Variants in BCAP29 observed in about 807,000 individuals in gnomAD.
BCAP29 encodes the protein B cell receptor associated protein 29, also known as B-cell receptor-associated protein 29.
BCAP29 carries 34 observed loss-of-function variants against 31.8 expected under a neutral mutation model. That is an observed-to-expected ratio of 1.07 (90% CI 0.81 to 1.42). The LOEUF (loss-of-function observed/expected upper bound fraction) is 1.42. Among genes scored for constraint, BCAP29 ranks in the 40% most tolerant of loss-of-function variants. The pLI, the probability that BCAP29 is intolerant of heterozygous loss-of-function variation, is 0.00. For synonymous variants in BCAP29, 104 were observed against 91.3 expected (o/e 1.14, Z -0.79); for missense variants, 314 against 269.2 (o/e 1.17, Z -1.16).
At position 107,618,536 on chromosome 7, in the gene BCAP29, A is replaced by G. The variant is rs1478521069; in HGVS notation, c.*173A>G. The stretch of plus-strand genomic sequence containing the variant: ...CAAAATATTTGATGATGTTTCAGAT[A>G]TATTGCAAAGTCTGTATTCCAGCTC... On this transcript the variant is annotated 3_prime_UTR_variant, in exon 8 of 8. Transcript: ENST00000005259. 7 of 1,605,628 alleles carry G rather than the reference A, an allele frequency of 4.4e-6. No individual in the cohort carries two copies. The highest frequency in any genetic ancestry group is 6.0e-6 in the Non-Finnish European group (7 of 1,172,846).
chr7:107,611,797 A>G (rs1813171802), intron 6 of BCAP29, among the ~76,000 whole-genome samples: 2 of 152,244 alleles, frequency 1.3e-5, no homozygotes, highest in Non-Finnish European at 2.9e-5. Flanking sequence ...TAGAAGGAAC[A>G]TGGAGGAAAT....
chr7:107,610,956 C>T (rs989094299), intron 6 of BCAP29, among the ~76,000 whole-genome samples: 8 of 152,162 alleles, frequency 5.3e-5, no homozygotes, highest in African/African-American at 1.9e-4. Context: ...TTATAAACAA[C>T]AGAAATTTAT....
At chr7:107,610,842 G>A (rs376664435) in intron 6 of BCAP29, among the ~76,000 whole-genome samples, 65 of 152,270 alleles carry the variant, frequency 4.3e-4, no homozygotes, top group African/African-American at 1.5e-3. Flanking sequence ...ACTTCTTAAT[G>A]TCAGAAATTC....
downstream of BCAP29, chr7:107,622,813 T>C (rs1562805112): frequency 6.6e-6 from 1 of 152,218 alleles, no homozygotes; most frequent in Non-Finnish European, 1.5e-5. Flanking sequence ...AAGAATGATC[T>C]CTCACTCAGA....
chr7:107,581,651 T>A (rs1806689129), intron 2 of BCAP29, among the ~76,000 whole-genome samples: 1 of 152,198 alleles, frequency 6.6e-6, no homozygotes, highest in Non-Finnish European at 1.5e-5. Context: ...AAGTATTTCA[T>A]AAGTGAGATC....
chr7:107,602,339 A>T (rs1224945056), intron 6 of BCAP29, among the ~76,000 whole-genome samples: 2 of 152,190 alleles, frequency 1.3e-5, no homozygotes, highest in Non-Finnish European at 1.5e-5. Flanking sequence ...TTCCTTGGTC[A>T]TGTTCTGTTG....
At chr7:107,582,549 A>C (rs1326633536) in intron 2 of BCAP29, among the ~76,000 whole-genome samples, 1 of 152,208 alleles carries the variant, frequency 6.6e-6, no homozygotes, top group Non-Finnish European at 1.5e-5. Flanking sequence ...ACTGCATGTT[A>C]CTAACCTTGG....
chr7:107,589,395 T>C (rs775421558), intron 3 of BCAP29, among the ~76,000 whole-genome samples: 1 of 152,146 alleles, frequency 6.6e-6, no homozygotes, highest in Admixed American at 6.5e-5. Context: ...CTGGGGATGA[T>C]GGGAGATGGT....
At chr7:107,591,846 A>G (rs1808902761) in intron 3 of BCAP29, among the ~76,000 whole-genome samples, 1 of 152,174 alleles carries the variant, frequency 6.6e-6, no homozygotes, top group Admixed American at 6.5e-5. Flanking sequence ...TGGCAGAACC[A>G]ATCAAGTCTG....
intron 6 of BCAP29, among the ~76,000 whole-genome samples, chr7:107,612,391 TTATATATATATATATATATA>T (rs36213596): frequency 0.012 from 383 of 30,872 alleles, 14 homozygotes; most frequent in East Asian, 0.029. Context: ...ATGTATTGTT[TTATATATATATATATATATA>T]TATATATATA....
intron 6 of BCAP29, among the ~76,000 whole-genome samples, chr7:107,612,793 AG>A (rs1813468459): frequency 6.6e-6 from 1 of 152,134 alleles, no homozygotes; most frequent in South Asian, 2.1e-4. Context: ...CTATCTAAAA[AG>A]TGGCCTGTAT....
intron 3 of BCAP29, among the ~76,000 whole-genome samples, chr7:107,591,581 G>T (rs1208122384): frequency 7.7e-6 from 1 of 129,844 alleles, no homozygotes; most frequent in African/African-American, 3.1e-5. Flanking sequence ...TAAATCTCGA[G>T]CTCTCTCTCT....
intron 3 of BCAP29, among the ~76,000 whole-genome samples, chr7:107,586,631 T>A (rs1317472324): frequency 6.6e-6 from 1 of 152,206 alleles, no homozygotes; most frequent in Non-Finnish European, 1.5e-5. Flanking sequence ...TACTCATGCT[T>A]AATTTATATT....
At chr7:107,596,116 A>G in intron 5 of BCAP29, 114 bp downstream of exon 5, 1 of 880,498 alleles carries the variant, frequency 1.1e-6, no homozygotes, top group Non-Finnish European at 1.6e-6. Flanking sequence ...AAATGACCAT[A>G]ATTAACAATA....
At chr7:107,599,223 ATAAT>A (rs1336688612) in intron 5 of BCAP29, among the ~76,000 whole-genome samples, 2 of 14,672 alleles carry the variant, frequency 1.4e-4, no homozygotes, top group East Asian at 1.4e-3. Flanking sequence ...ATATATATAC[ATAAT>A]TATATATATT....
intron 5 of BCAP29, among the ~76,000 whole-genome samples, chr7:107,598,497 G>C (rs1810259107): frequency 6.6e-6 from 1 of 151,950 alleles, no homozygotes; most frequent in Non-Finnish European, 1.5e-5. Flanking sequence ...TACTGTATTT[G>C]GTCTTGTGCT....
chr7:107,614,399 G>A (rs1204736776), intron 7 of BCAP29, among the ~76,000 whole-genome samples: 1 of 152,014 alleles, frequency 6.6e-6, no homozygotes, highest in Non-Finnish European at 1.5e-5. Flanking sequence ...ATCCCTTTGG[G>A]GCTCACTTCT....
chr7:107,601,624 G>A (rs796681793), intron 6 of BCAP29, among the ~76,000 whole-genome samples: 15 of 152,122 alleles, frequency 9.9e-5, no homozygotes, highest in African/African-American at 3.1e-4. Context: ...AAAAGATTTC[G>A]AACATGATCA....
At chr7:107,599,094 A>G (rs1337004726) in intron 5 of BCAP29, among the ~76,000 whole-genome samples, 19 of 134,136 alleles carry the variant, frequency 1.4e-4, no homozygotes, top group Non-Finnish European at 2.5e-4. Flanking sequence ...ATTTATATGT[A>G]TATAAATATA....
Sources: gnomAD v4.1 joint callset for allele counts (sites outside exome capture counted in the v4.1 genomes callset) on GRCh38, gnomAD v4.1.1 for gene constraint, MANE v1.5 for transcripts, NCBI Gene and HGNC (gene_info 2026-07-23, HGNC 2026-07-21) for gene names.